The following KCNIP4 variants were observed in gnomAD, a reference collection of about 807,000 sequenced individuals.
KCNIP4 encodes potassium voltage-gated channel interacting protein 4, also known as Kv channel-interacting protein 4.
In KCNIP4, 12 loss-of-function variants were observed where a neutral mutation model predicts 34.0. That is an observed-to-expected ratio of 0.35 (90% CI 0.23 to 0.57). KCNIP4 has a LOEUF of 0.57. KCNIP4 is among the 20% of genes least tolerant of loss of function. KCNIP4 has a pLI of 0.83. For synonymous variants in KCNIP4, 124 were observed against 102.2 expected (o/e 1.21, Z -1.29); for missense variants, 238 against 311.7 (o/e 0.76, Z 1.78).
chr4:21,435,329 A>T (rs181525912), intron 1 of KCNIP4, among the ~76,000 whole-genome samples: 1 of 152,328 alleles, frequency 6.6e-6, no homozygotes, highest in African/African-American at 2.4e-5. Context: ...AAGCAACCAG[A>T]TGCTATTCTA....
rs1237660163 is a variant in KCNIP4, at chr4:21,637,263, C to T, written c.61+311308G>A. Among the ~76,000 whole-genome samples the T allele has an allele frequency of 3.3e-5, 5 of 152,050 alleles. No individual in the cohort carries two copies. In the East Asian group the frequency reaches 9.7e-4, roughly 29 times the overall value. On this transcript the variant is annotated intron_variant, in intron 1 of 8. Transcript: ENST00000382152. ...TTATTTTAATTTTAAAGACGAGGAA[C>T]CAAGTTTAAGAGAGTAAATACTTTA...
At chr4:21,258,558 A>G (rs1761234187) in intron 1 of KCNIP4, among the ~76,000 whole-genome samples, 2 of 152,306 alleles carry the variant, frequency 1.3e-5, no homozygotes, top group South Asian at 4.1e-4. Context: ...TCTTTAAGAC[A>G]ATAATTGATA....
intron 1 of KCNIP4, among the ~76,000 whole-genome samples, chr4:21,275,976 A>G (rs142405150): frequency 6.6e-6 from 1 of 152,170 alleles, no homozygotes; most frequent in Admixed American, 6.6e-5. Flanking sequence ...GCAAAAAAAA[A>G]CTCATGATGC....
chr4:20,929,307 A>G (rs1264306457), intron 1 of KCNIP4, among the ~76,000 whole-genome samples: 2 of 152,076 alleles, frequency 1.3e-5, no homozygotes, highest in Non-Finnish European at 2.9e-5. Context: ...CAACACAGAA[A>G]AAGCATTTGA....
At chr4:21,522,676 C>G (rs957946402) in intron 1 of KCNIP4, among the ~76,000 whole-genome samples, 6 of 151,922 alleles carry the variant, frequency 3.9e-5, no homozygotes, top group African/African-American at 1.5e-4. Flanking sequence ...GGAGATAAAT[C>G]CTACCTCTAC....
intron 1 of KCNIP4, among the ~76,000 whole-genome samples, chr4:21,016,458 G>A (rs890110532): frequency 2.0e-5 from 3 of 151,658 alleles, no homozygotes; most frequent in African/African-American, 7.3e-5. Flanking sequence ...ACCACGCCCT[G>A]CTAATTTTTT....
chr4:21,018,155 C>T (rs1739719449), intron 1 of KCNIP4, among the ~76,000 whole-genome samples: 1 of 152,112 alleles, frequency 6.6e-6, no homozygotes, highest in Admixed American at 6.6e-5. Context: ...ACTCTGATTC[C>T]TCAACAAGCT....
chr4:21,765,166 T>C (rs1001598725), intron 1 of KCNIP4, among the ~76,000 whole-genome samples: 1 of 108,554 alleles, frequency 9.2e-6, no homozygotes, highest in South Asian at 2.4e-4. Flanking sequence ...ACCTTTTTTT[T>C]TTTTTCCGAG....
chr4:21,556,943 AC>A (rs370461058), intron 1 of KCNIP4, among the ~76,000 whole-genome samples: 2,757 of 142,296 alleles, frequency 0.019, 239 homozygotes, highest in African/African-American at 0.067. Flanking sequence ...AAAAAAAAAA[AC>A]CAGAAAACAA....
intron 3 of KCNIP4, among the ~76,000 whole-genome samples, chr4:20,810,710 G>A (rs1578674527): frequency 6.6e-6 from 1 of 151,966 alleles, no homozygotes; most frequent in Admixed American, 6.6e-5. Flanking sequence ...AGAACTGGGA[G>A]AAAACCAGCC....
intron 1 of KCNIP4, among the ~76,000 whole-genome samples, chr4:21,710,435 A>G (rs1713633288): frequency 6.6e-6 from 1 of 152,212 alleles, no homozygotes; most frequent in African/African-American, 2.4e-5. Flanking sequence ...CAGGGAACAA[A>G]TGCATGACAA....
chr4:21,199,429 TG>T (rs1756304902), intron 1 of KCNIP4, among the ~76,000 whole-genome samples: 1 of 152,252 alleles, frequency 6.6e-6, no homozygotes, highest in Non-Finnish European at 1.5e-5. Flanking sequence ...GATTTTTTCT[TG>T]TAAATTTGTT....
chr4:21,685,689 G>A (rs868735017), intron 1 of KCNIP4, among the ~76,000 whole-genome samples: 1 of 152,168 alleles, frequency 6.6e-6, no homozygotes, highest in East Asian at 1.9e-4. Context: ...GAGATGTAAC[G>A]TGTCTATGAT....
chr4:21,300,131 G>A (rs1764075070), intron 1 of KCNIP4, among the ~76,000 whole-genome samples: 1 of 152,030 alleles, frequency 6.6e-6, no homozygotes, highest in South Asian at 2.1e-4. Context: ...TTCAGTAACT[G>A]CTTCAGCATA....
At chr4:20,771,459 T>C (rs1437381967) in intron 3 of KCNIP4, among the ~76,000 whole-genome samples, 2 of 152,184 alleles carry the variant, frequency 1.3e-5, no homozygotes, top group Admixed American at 6.5e-5. Flanking sequence ...TTCTTGTCCT[T>C]GTATTACACC....
intron 1 of KCNIP4, among the ~76,000 whole-genome samples, chr4:21,143,712 T>C (rs1287580838): frequency 6.6e-6 from 1 of 151,330 alleles, no homozygotes; most frequent in Admixed American, 6.6e-5. Flanking sequence ...ACAGTTTCTT[T>C]TTTTTTTTTG....
intron 1 of KCNIP4, among the ~76,000 whole-genome samples, chr4:21,077,647 C>T (rs1745609742): frequency 6.6e-6 from 1 of 152,160 alleles, no homozygotes; most frequent in East Asian, 1.9e-4. Flanking sequence ...ATAAAATAGG[C>T]AAAGCCATAT....
intron 1 of KCNIP4, among the ~76,000 whole-genome samples, chr4:21,753,099 T>G (rs1162355480): frequency 2.6e-5 from 4 of 152,180 alleles, no homozygotes; most frequent in African/African-American, 7.2e-5. Context: ...AACAGTGAAT[T>G]GGAAGTTCAG....
At chr4:21,847,690 G>A (rs1025829676) in intron 1 of KCNIP4, 1 of 151,822 alleles carries the variant, frequency 6.6e-6, no homozygotes, top group African/African-American at 2.4e-5. Flanking sequence ...TTAGTCTCAG[G>A]TTTCTTTTGT....
Sources: gnomAD v4.1 joint callset for allele counts (sites outside exome capture counted in the v4.1 genomes callset) on GRCh38, gnomAD v4.1.1 for gene constraint, MANE v1.5 for transcripts, NCBI Gene and HGNC (gene_info 2026-07-23, HGNC 2026-07-21) for gene names.